FSD1: variants seen among roughly 807,000 people sequenced by gnomAD.
FSD1 encodes fibronectin type III and SPRY domain containing 1.
FSD1 carries 23 observed loss-of-function variants against 58.2 expected under a neutral mutation model. That is an observed-to-expected ratio of 0.40 (90% confidence interval 0.28 to 0.56). The LOEUF is 0.56. Ranked by LOEUF, FSD1 falls within the 20% of genes least tolerant of loss-of-function variation. The probability of loss-of-function intolerance (pLI) is 0.54; values close to 1 mark genes in which losing one functional copy is unlikely to be tolerated. For missense variants in FSD1, 563 were observed against 670.8 expected, an observed-to-expected ratio of 0.84 and a Z score of 1.78; for synonymous variants, 265 against 263.4, an observed-to-expected ratio of 1.01 and a Z score of -0.06.
chr19:4,311,872 A>C lies in FSD1; in HGVS notation c.521A>C (p.Glu174Ala). 6.2e-7 allele frequency: 1 copy of C among 1,614,166 alleles called. No individual in the cohort carries two copies. Among genetic ancestry groups the C allele is most frequent in the Non-Finnish European group, 8.5e-7 (1 of 1,180,040 alleles). Residue 174 changes from glutamate to alanine, a missense_variant, in exon 7 of 13, where the codon GAG (glutamate) becomes GCG (alanine). Glu to Ala is a moderately radical substitution (Grantham distance 107, BLOSUM62 -1). Coordinates refer to ENST00000221856, the MANE Select transcript of FSD1 (RefSeq NM_024333.3). ...VPSAPVIDLAESLVADNCVTL... is the reference protein window; with the variant it reads ...VPSAPVIDLAASLVADNCVTL... ...AGCGCACCCGTGATCGACCTGGCTG[A>C]GTCCCTGGTGGCAGATAACTGTGTG... is the stretch of plus-strand genomic sequence containing the variant.
In FSD1 at chr19:4,323,286, C is replaced by T. The variant is rs775035314; in HGVS notation, c.1291+49C>T. 1.9e-6 allele frequency: 3 copies of T among 1,608,430 alleles called. No homozygotes were observed. ...TCTCTGGCTGCCCCTGCCTGAGTCC[C>T]CTCCGTCTGCCCCCATCCCACTTCT... is the stretch of plus-strand genomic sequence containing the variant. On this transcript the variant is annotated intron_variant, in intron 11 of 12. Coordinates refer to ENST00000221856, the MANE Select transcript of FSD1 (RefSeq NM_024333.3). The surrounding 1 kb of genome is among the most constrained non-coding windows in gnomAD (Gnocchi z 7.7).
At chr19:4,307,740 G>A in intron 3 of FSD1, 142 bp from the exon 4 acceptor site, 1 of 595,650 alleles carries the variant, frequency 1.7e-6, no homozygotes, top group Non-Finnish European at 2.9e-6. Flanking sequence ...ATTTGGTGGG[G>A]CGCTCAAGGC....
rs1364750115 is a variant in FSD1, at chr19:4,306,287, G to A, written c.201G>A (p.Met67Ile). 1 of 1,614,110 alleles carries A rather than the reference G, an allele frequency of 6.2e-7. No individual in the cohort carries two copies. Among genetic ancestry groups the A allele is most frequent in the South Asian group, 1.1e-5 (1 of 91,084 alleles). ...LLEELKEGML[M>I]KIKQDRASRT... ...AGGAGCTGAAAGAAGGCATGCTTAT[G>A]AAGATAAAACAGGACCGTGCCAGCC... The change falls in exon 3 of 13, where the codon ATG becomes ATA. Residue 67 changes from methionine (M) to isoleucine (I), a missense_variant. By Grantham distance (10) the Met-to-Ile change is conservative. Coordinates refer to ENST00000221856, the MANE Select transcript of FSD1 (RefSeq NM_024333.3).
chr19:4,317,086 G>A (rs1971763091), intron 7 of FSD1, 96 bp from the exon 8 acceptor site: 2 of 757,316 alleles, frequency 2.6e-6, no homozygotes, highest in Admixed American at 1.8e-5. Flanking sequence ...TCTTAGAATG[G>A]CGTTGGGAAT....
At chr19:4,314,041 A>G (rs1599537738) in intron 7 of FSD1, among the ~76,000 whole-genome samples, 2 of 147,980 alleles carry the variant, frequency 1.4e-5, no homozygotes, top group Admixed American at 6.7e-5. Flanking sequence ...AAAAAAAAAG[A>G]AAAAAAAAGC....
intron 10 of FSD1, among the ~76,000 whole-genome samples, chr19:4,322,211 C>G (rs945376249): frequency 5.0e-5 from 7 of 139,660 alleles, no homozygotes; most frequent in African/African-American, 1.9e-4. Context: ...CAAGGAGTAT[C>G]TGGGAGAATT....
In FSD1 at chr19:4,304,627, G is replaced by C. The variant is rs746299023; in HGVS notation, c.-120G>C. ...TGCGCGCGGTGATGGAGCGCTAACC[G>C]GGGGCGCGGCGGCGGCGAGGGCTCG... On this transcript the variant is annotated 5_prime_UTR_variant, in exon 1 of 13. Coordinates refer to ENST00000221856, the MANE Select transcript of FSD1 (RefSeq NM_024333.3). The C allele has an allele frequency of 6.8e-5, 36 of 532,852 alleles. No individual in the cohort carries two copies. The highest frequency in any genetic ancestry group is 9.0e-5 in the Admixed American group (2 of 22,146). 33.0% of individuals were successfully genotyped at this position (532,852 alleles called of 1,614,324 possible). A position where few individuals can be genotyped will look rare whatever the true frequency, so the allele number is the denominator to read the frequency against.
chr19:4,313,310 C>T (rs1373898064), intron 7 of FSD1, among the ~76,000 whole-genome samples: 1 of 151,732 alleles, frequency 6.6e-6, no homozygotes, highest in Non-Finnish European at 1.5e-5. Context: ...CACCGCACTC[C>T]AGCCTGAGCA....
At position 4,323,524 on chromosome 19, in the gene FSD1, G is replaced by A. The variant is rs1207031226; in HGVS notation, c.1381-9G>A. On this transcript the variant is annotated splice_polypyrimidine_tract_variant and intron_variant, in intron 12 of 12. Transcript: ENST00000221856. This position sits in a 1 kb window ranked among gnomAD's most constrained non-coding sequence, Gnocchi z 7.7. ...TGAGCCCCTCCCCCCTCCCCCCGCT[G>A]TCCCTCAGGTATGGTGTGGCAGCTT... 7 of 1,598,314 alleles carry A rather than the reference G, an allele frequency of 4.4e-6. No homozygotes were observed. The highest frequency in any genetic ancestry group is 6.0e-6 in the Non-Finnish European group (7 of 1,169,264).
chr19:4,315,365 G>A lies in FSD1; in HGVS notation c.701-1817G>A, dbSNP rs182324649. 1.2e-4 allele frequency among the ~76,000 whole-genome samples: 17 copies of A among 138,508 alleles called. No homozygotes were observed. In the East Asian group the frequency reaches 3.1e-3, roughly 26 times the overall value. The allele number at this position is 138,508 out of a possible 152,430, so 90.9% of individuals were successfully genotyped here. A position where few individuals can be genotyped will look rare whatever the true frequency, so the allele number is the denominator to read the frequency against. ...ACTCTGTTGCCCAGGCTGGAGTGCA[G>A]TGGTGCTATCTCGGCTCACTGCAAG... is the stretch of plus-strand genomic sequence containing the variant. On this transcript the variant is annotated intron_variant, in intron 7 of 12. Coordinates refer to ENST00000221856, the MANE Select transcript of FSD1 (RefSeq NM_024333.3).
At chr19:4,317,373 C>T in intron 8 of FSD1, 93 bp downstream of exon 8, 1 of 794,140 alleles carries the variant, frequency 1.3e-6, no homozygotes, top group African/African-American at 1.7e-5. Flanking sequence ...AGCAGGGTTG[C>T]CCTGGCTGCC....
chr19:4,315,378 G>A (rs1395825964), intron 7 of FSD1, among the ~76,000 whole-genome samples: 5 of 136,418 alleles, frequency 3.7e-5, no homozygotes, highest in East Asian at 4.2e-4. Context: ...GTGCTATCTC[G>A]GCTCACTGCA....
At chr19:4,310,635 G>A (rs1377841504) in intron 6 of FSD1, 39 bp downstream of exon 6, 1 of 1,595,066 alleles carries the variant, frequency 6.3e-7, no homozygotes, top group Non-Finnish European at 8.5e-7. Flanking sequence ...GACTTCCGGG[G>A]AATGACCTGG....
chr19:4,312,144 G>C, intron 7 of FSD1, 93 bp downstream of exon 7: 1 of 1,134,478 alleles, frequency 8.8e-7, no homozygotes, highest in Non-Finnish European at 1.3e-6. Context: ...CCTTGGGGAC[G>C]ATCCCCAAAG....
chr19:4,313,751 G>A (rs1383945712), intron 7 of FSD1, among the ~76,000 whole-genome samples: 1 of 151,506 alleles, frequency 6.6e-6, no homozygotes, highest in Non-Finnish European at 1.5e-5. Flanking sequence ...TCCTGGCCAG[G>A]CGTGGTGGCT....
Position 4,311,768 on chromosome 19 carries a change from A to G in FSD1, c.491-74A>G, listed in dbSNP as rs1971694306. ...AAAATTGTCCAACATGTGGTTGGGC[A>G]GCCCTGCAGCAAGCCCCCTGCCCCC... On this transcript the variant is annotated intron_variant, in intron 6 of 12. Coordinates refer to ENST00000221856, the MANE Select transcript of FSD1 (RefSeq NM_024333.3). 3.6e-6 allele frequency: 5 copies of G among 1,393,962 alleles called. No individual in the cohort carries two copies. In the East Asian group the frequency reaches 1.1e-4, roughly 32 times the overall value. 86.3% of individuals were successfully genotyped at this position (1,393,962 alleles called of 1,614,324 possible). A position where few individuals can be genotyped will look rare whatever the true frequency, so the allele number is the denominator to read the frequency against.
At chr19:4,306,352 T>A in intron 3 of FSD1, 23 bp downstream of exon 3, 1 of 1,611,934 alleles carries the variant, frequency 6.2e-7, no homozygotes, top group Non-Finnish European at 8.5e-7. Flanking sequence ...GGCATCTTCC[T>A]CTCCCCCCGC....
intron 1 of FSD1, 33 bp from the exon 2 acceptor site, chr19:4,305,913 C>A: frequency 6.6e-7 from 1 of 1,515,808 alleles, no homozygotes; most frequent in Non-Finnish European, 9.2e-7. Flanking sequence ...TGTGTGTGTG[C>A]ACCTGTGTGT....
At position 4,307,923 on chromosome 19, in the gene FSD1, G is replaced by A. The variant is rs148407733; in HGVS notation, c.285G>A (p.Glu95=). ...GCACGCGGGCCCTGGAGAGCTCCGA[G>A]GAGCTTCTGGAGACAGCCAACCAGA... ...AACTRALESS[E]ELLETANQTL... Residue 95 remains glutamate (E), a synonymous_variant, in exon 4 of 13, where the codon GAG becomes GAA. Coordinates refer to ENST00000221856, the MANE Select transcript of FSD1 (RefSeq NM_024333.3). 2.3e-4 allele frequency: 373 copies of A among 1,613,946 alleles called. 1 individual carries two copies. In the African/African-American group the frequency reaches 4.5e-3, roughly 19 times the overall value.
Sources: allele counts gnomAD v4.1 joint callset (sites outside exome capture counted in the v4.1 genomes callset), GRCh38; gene constraint gnomAD v4.1.1; non-coding constraint Gnocchi (gnomAD v3.1); transcripts MANE v1.5; gene names NCBI Gene and HGNC (gene_info 2026-07-23, HGNC 2026-07-21).